Variants in STXBP5L observed in about 807,000 individuals in gnomAD.
STXBP5L encodes the protein syntaxin-binding protein 5-like.
STXBP5L carries 65 observed loss-of-function variants against 144.5 expected under a neutral mutation model. The ratio of observed to expected loss-of-function variants is 0.45; its 90% CI spans 0.37 to 0.55. The LOEUF (loss-of-function observed/expected upper bound fraction) is 0.55. Ranked by LOEUF, STXBP5L falls within the 20% of genes least tolerant of loss-of-function variation. The pLI is 0.00. For synonymous variants in STXBP5L, 505 were observed against 469.6 expected, an observed-to-expected ratio of 1.08 and a Z score of -0.97; for missense variants, 1,298 against 1,405.5, an observed-to-expected ratio of 0.92 and a Z score of 1.22.
chr3:121,078,058 T>C lies in STXBP5L; in HGVS notation c.470+32523T>C, dbSNP rs537888319. Among the ~76,000 whole-genome samples the C allele has an allele frequency of 2.0e-5, 3 of 151,348 alleles. No individual in the cohort carries two copies. The South Asian group carries it at 6.3e-4, about 32-fold the overall frequency. ...GTGTGTTCACAAACCTTGAGCTAGA[T>C]ACAGAGTGCCAATTGGTGTATTTAC... On this transcript the variant is annotated intron_variant, in intron 5 of 26. Transcript: ENST00000471454.
At chr3:120,977,995 A>G (rs148274241) in intron 3 of STXBP5L, among the ~76,000 whole-genome samples, 2,284 of 152,098 alleles carry the variant, frequency 0.015, 31 homozygotes, top group Non-Finnish European at 0.023. Context: ...CTTCATTTCA[A>G]CTTTGGTGAA....
At chr3:121,320,221 G>C (rs934975526) in intron 20 of STXBP5L, among the ~76,000 whole-genome samples, 9 of 152,026 alleles carry the variant, frequency 5.9e-5, no homozygotes, top group Middle Eastern at 3.4e-3. Flanking sequence ...TAGAGGTCTT[G>C]CATATCTTTC....
intron 3 of STXBP5L, among the ~76,000 whole-genome samples, chr3:121,005,972 CTA>C (rs1379436370): frequency 6.6e-6 from 1 of 152,086 alleles, no homozygotes; most frequent in Non-Finnish European, 1.5e-5. Context: ...TTACTTCCAA[CTA>C]TGTGGTCACT....
intron 20 of STXBP5L, among the ~76,000 whole-genome samples, chr3:121,340,487 C>T (rs1164189460): frequency 6.6e-6 from 1 of 151,226 alleles, no homozygotes; most frequent in Non-Finnish European, 1.5e-5. Context: ...CCCCAGCCTC[C>T]CACCCCCCGA....
chr3:121,055,829 T>G lies in STXBP5L; in HGVS notation c.470+10294T>G, dbSNP rs561707636. Among the ~76,000 whole-genome samples, 33 of 151,844 alleles carry G rather than the reference T, an allele frequency of 2.2e-4. 1 individual carries two copies. In the East Asian group the frequency reaches 5.6e-3, roughly 26 times the overall value. On this transcript the variant is annotated intron_variant, in intron 5 of 26. Transcript: ENST00000471454. Reference sequence around the variant, plus strand: ...GTCCTCCCACCTTAGCCTCCTGAGGTGTGCACTATGATGCCTGACTAATGT... The same window carrying G: ...GTCCTCCCACCTTAGCCTCCTGAGGGGTGCACTATGATGCCTGACTAATGT...
intron 2 of STXBP5L, among the ~76,000 whole-genome samples, chr3:120,948,171 A>G (rs536329219): frequency 6.6e-6 from 1 of 151,618 alleles, no homozygotes; most frequent in Non-Finnish European, 1.5e-5. Context: ...TATCTTGTTG[A>G]TATGATTTAC....
At chr3:121,128,163 G>C (rs1209850865) in intron 7 of STXBP5L, among the ~76,000 whole-genome samples, 2 of 152,076 alleles carry the variant, frequency 1.3e-5, no homozygotes, top group Non-Finnish European at 1.5e-5. Flanking sequence ...CTTGGGGGCT[G>C]CCTAGAGGAG....
chr3:121,290,386 G>GC (rs2108462477), intron 19 of STXBP5L, among the ~76,000 whole-genome samples: 1 of 152,178 alleles, frequency 6.6e-6, no homozygotes, highest in East Asian at 1.9e-4. Flanking sequence ...CCAATAACAA[G>GC]CAGTGAGATT....
chr3:120,963,636 T>C (rs189008554), intron 3 of STXBP5L, among the ~76,000 whole-genome samples: 89 of 152,300 alleles, frequency 5.8e-4, no homozygotes, highest in Middle Eastern at 6.8e-3. Context: ...TTGATCATGG[T>C]GGATAAGCTT....
chr3:120,914,437 A>C (rs185378422), intron 2 of STXBP5L, among the ~76,000 whole-genome samples: 1 of 152,102 alleles, frequency 6.6e-6, no homozygotes, highest in East Asian at 1.9e-4. Flanking sequence ...AATGATGCTC[A>C]TATCTGACAT....
At chr3:121,228,971 C>G (rs2049214095) in intron 11 of STXBP5L, among the ~76,000 whole-genome samples, 1 of 152,154 alleles carries the variant, frequency 6.6e-6, no homozygotes. Flanking sequence ...ATTTTAACAT[C>G]AAAGTTTATT....
chr3:121,270,979 T>A (rs1454356084), intron 18 of STXBP5L, among the ~76,000 whole-genome samples: 1 of 152,200 alleles, frequency 6.6e-6, no homozygotes, highest in East Asian at 1.9e-4. Context: ...CTTGTTAAGG[T>A]GATATCTACC....
chr3:121,097,729 G>A (rs970591355), intron 5 of STXBP5L, among the ~76,000 whole-genome samples: 4 of 152,128 alleles, frequency 2.6e-5, no homozygotes, highest in Non-Finnish European at 5.9e-5. Context: ...CGATCTCGCT[G>A]GGAACTGCAG....
chr3:121,378,596 C>G, intron 20 of STXBP5L, 120 bp from the exon 21 acceptor site: 1 of 1,167,330 alleles, frequency 8.6e-7, no homozygotes, highest in South Asian at 2.0e-5. Flanking sequence ...TAACTATATT[C>G]ATGTGGTTTA....
chr3:121,045,369 G>A, intron 4 of STXBP5L, 66 bp from the exon 5 acceptor site: 3 of 1,433,338 alleles, frequency 2.1e-6, no homozygotes, highest in Admixed American at 4.2e-5. Flanking sequence ...AAATTAGCTT[G>A]TTTGTGATTA....
At chr3:121,405,296 A>G (rs1037622342) in intron 22 of STXBP5L, among the ~76,000 whole-genome samples, 1 of 152,070 alleles carries the variant, frequency 6.6e-6, no homozygotes, top group Non-Finnish European at 1.5e-5. Context: ...AAGAATTCCT[A>G]TCTTCTTTTC....
intron 5 of STXBP5L, among the ~76,000 whole-genome samples, chr3:121,055,863 T>G (rs1948424354): frequency 6.6e-6 from 1 of 151,266 alleles, no homozygotes; most frequent in African/African-American, 2.4e-5. Context: ...GTTAATTTTT[T>G]TTTTTTTTTT....
chr3:121,179,479 C>A (rs1280429192), intron 9 of STXBP5L, among the ~76,000 whole-genome samples: 1 of 152,046 alleles, frequency 6.6e-6, no homozygotes, highest in Non-Finnish European at 1.5e-5. Flanking sequence ...ATAATCTACC[C>A]AAATGAGAAG....
chr3:121,191,262 G>C (rs1387412583), intron 9 of STXBP5L, among the ~76,000 whole-genome samples: 1 of 152,224 alleles, frequency 6.6e-6, no homozygotes, highest in Non-Finnish European at 1.5e-5. Flanking sequence ...TGAACACTGA[G>C]TGAGCGAGAC....
Sources: gnomAD v4.1 joint callset for allele counts (sites outside exome capture counted in the v4.1 genomes callset) on GRCh38, gnomAD v4.1.1 for gene constraint, MANE v1.5 for transcripts, NCBI Gene and HGNC (gene_info 2026-07-23, HGNC 2026-07-21) for gene names.